The following SHLD2 variants were observed in gnomAD, a reference collection of about 807,000 sequenced individuals.
SHLD2 encodes shieldin complex subunit 2.
SHLD2 carries 30 observed loss-of-function variants against 73.2 expected under a neutral mutation model. The ratio of observed to expected loss-of-function variants is 0.41; its 90% confidence interval spans 0.31 to 0.56. SHLD2 has a LOEUF of 0.56. SHLD2 is among the 20% of genes least tolerant of loss of function. The probability of loss-of-function intolerance (pLI) is 0.28; values close to 1 mark genes in which losing one functional copy is unlikely to be tolerated. For missense variants in SHLD2, 745 were observed against 1,055.9 expected (o/e 0.71, Z 4.08); for synonymous variants, 285 against 370.1 (o/e 0.77, Z 2.64).
At chr10:87,150,342 G>C (rs1347355680) in intron 2 of SHLD2, among the ~76,000 whole-genome samples, 3 of 152,054 alleles carry the variant, frequency 2.0e-5, no homozygotes, top group Admixed American at 2.0e-4. Context: ...GCGATTACAG[G>C]CATGAACCAC....
At chr10:87,154,381 A>ATTTTTTTTTTT (rs1491242614) in intron 3 of SHLD2, 1 of 76,994 alleles carries the variant, frequency 1.3e-5, no homozygotes. Flanking sequence ...AGAATATTTA[A>ATTTTTTTTTTT]TATTTTTTTT....
intron 2 of SHLD2, among the ~76,000 whole-genome samples, chr10:87,104,318 C>T (rs868190125): frequency 7.8e-5 from 11 of 140,868 alleles, no homozygotes; most frequent in East Asian, 4.5e-4. Flanking sequence ...GAGGCCGAGG[C>T]GGGTGGATCA....
At chr10:87,170,013 C>T (rs1327580499) in intron 4 of SHLD2, among the ~76,000 whole-genome samples, 1 of 152,138 alleles carries the variant, frequency 6.6e-6, no homozygotes, top group African/African-American at 2.4e-5. Context: ...GAGTAAGGCA[C>T]ACTCAGGGAG....
intron 2 of SHLD2, among the ~76,000 whole-genome samples, chr10:87,140,436 G>GA (rs1845113167): frequency 2.1e-5 from 3 of 141,078 alleles, no homozygotes; most frequent in African/African-American, 2.6e-5. Flanking sequence ...AAAAAAAAAA[G>GA]AAAAAAATAA....
chr10:87,120,940 C>T (rs1156918648), intron 2 of SHLD2, among the ~76,000 whole-genome samples: 2 of 151,876 alleles, frequency 1.3e-5, no homozygotes, highest in African/African-American at 4.8e-5. Context: ...ATCCCAGCTA[C>T]TTGGGAGGCT....
At chr10:87,154,826 T>C in intron 3 of SHLD2, among the ~76,000 whole-genome samples, 1 of 152,206 alleles carries the variant, frequency 6.6e-6, no homozygotes, top group East Asian at 1.9e-4. Flanking sequence ...AGGAGGTATT[T>C]AGAAGAAGAA....
chr10:87,126,377 G>A (rs1292988601), intron 2 of SHLD2, among the ~76,000 whole-genome samples: 1 of 152,154 alleles, frequency 6.6e-6, no homozygotes, highest in Non-Finnish European at 1.5e-5. Flanking sequence ...ACCACACCCA[G>A]TTGAGCAATA....
chr10:87,124,641 C>T (rs1022550953), intron 2 of SHLD2, among the ~76,000 whole-genome samples: 5 of 152,112 alleles, frequency 3.3e-5, no homozygotes, highest in Non-Finnish European at 5.9e-5. Context: ...CTGCTGCTGT[C>T]GCTCACTGGT....
intron 2 of SHLD2, among the ~76,000 whole-genome samples, chr10:87,124,436 T>C (rs1180917203): frequency 6.6e-6 from 1 of 152,086 alleles, no homozygotes; most frequent in Non-Finnish European, 1.5e-5. Context: ...CTTGGGATGC[T>C]GAGGCAGGAG....
chr10:87,097,597 A>G (rs879788834), intron 2 of SHLD2, among the ~76,000 whole-genome samples: 1 of 152,214 alleles, frequency 6.6e-6, no homozygotes, highest in South Asian at 2.1e-4. Context: ...ATCTCAAAAA[A>G]GGAAAGGCAG....
intron 2 of SHLD2, among the ~76,000 whole-genome samples, chr10:87,147,084 A>G (rs574367266): frequency 6.6e-6 from 1 of 150,776 alleles, no homozygotes; most frequent in Non-Finnish European, 1.5e-5. Context: ...AAAAAAAAAA[A>G]AAAACAAAAA....
chr10:87,132,616 A>G (rs1159925963), intron 2 of SHLD2, among the ~76,000 whole-genome samples: 7 of 152,044 alleles, frequency 4.6e-5, no homozygotes, highest in Non-Finnish European at 1.0e-4. Flanking sequence ...CTCTACAAAA[A>G]ATGAAAAATT....
intron 2 of SHLD2, among the ~76,000 whole-genome samples, chr10:87,148,882 CTTTTTT>C (rs568650093): frequency 2.2e-5 from 3 of 139,260 alleles, no homozygotes; most frequent in African/African-American, 7.9e-5. Context: ...TTCCCACCAA[CTTTTTT>C]TTTTTTTTTT....
intron 2 of SHLD2, among the ~76,000 whole-genome samples, chr10:87,110,634 C>T (rs1490872324): frequency 1.3e-5 from 2 of 148,938 alleles, no homozygotes; most frequent in African/African-American, 4.9e-5. Context: ...GCTCTCTTTT[C>T]TCTTAAGCCT....
intron 7 of SHLD2, among the ~76,000 whole-genome samples, chr10:87,177,730 G>C (rs1848034070): frequency 6.6e-6 from 1 of 151,984 alleles, no homozygotes; most frequent in South Asian, 2.1e-4. Context: ...AAGCCAGAGG[G>C]GGATGAGGCT....
intron 2 of SHLD2, among the ~76,000 whole-genome samples, chr10:87,097,618 G>A (rs976248069): frequency 6.6e-6 from 1 of 151,992 alleles, no homozygotes; most frequent in Non-Finnish European, 1.5e-5. Context: ...AATTGAAGAA[G>A]CTTTGGAAGA....
At position 87,166,777 on chromosome 10, in the gene SHLD2, G is replaced by A. The variant is rs191015049; in HGVS notation, c.1634-3701G>A. Among the ~76,000 whole-genome samples the A allele has an allele frequency of 1.0e-3, 154 of 152,298 alleles. 3 individuals are homozygous for A. The East Asian group carries it at 0.024, about 23-fold the overall frequency. On this transcript the variant is annotated intron_variant, in intron 4 of 9. Coordinates refer to ENST00000298786, the MANE Select transcript of SHLD2 (RefSeq NM_001330112.2). ...ACAGCAGGGCATTTTAAGAAGAAAA[G>A]CAGGGAAGAATAATTTGCCCTATCA...
At chr10:87,148,013 AC>A (rs1185769659) in intron 2 of SHLD2, among the ~76,000 whole-genome samples, 15 of 151,932 alleles carry the variant, frequency 9.9e-5, no homozygotes, top group Non-Finnish European at 5.9e-5. Flanking sequence ...GCGTGCCACC[AC>A]ACCTGGCTAA....
At chr10:87,098,021 G>A (rs554766828) in intron 2 of SHLD2, among the ~76,000 whole-genome samples, 4 of 151,960 alleles carry the variant, frequency 2.6e-5, no homozygotes, top group Non-Finnish European at 5.9e-5. Context: ...CTTGGCCACC[G>A]AAAGTGCTGG....
Sources: allele counts gnomAD v4.1 joint callset (sites outside exome capture counted in the v4.1 genomes callset), GRCh38; gene constraint gnomAD v4.1.1; transcripts MANE v1.5; gene names NCBI Gene and HGNC (gene_info 2026-07-23, HGNC 2026-07-21).